ARID1A: variants seen among roughly 807,000 people sequenced by gnomAD.
ARID1A encodes the protein AT-rich interaction domain 1A.
Under a neutral mutation model 212.6 loss-of-function variants are expected in ARID1A, and 20 were observed. That is an observed-to-expected ratio of 0.09 (90% CI 0.07 to 0.14). ARID1A has a LOEUF of 0.14. ARID1A is among the 10% of genes least tolerant of loss of function. The probability of loss-of-function intolerance (pLI) is 1.00; values close to 1 mark genes in which losing one functional copy is unlikely to be tolerated. For synonymous variants in ARID1A, 1,376 were observed against 1,222.1 expected, an observed-to-expected ratio of 1.13 and a Z score of -2.63; for missense variants, 2,587 against 3,059.0, an observed-to-expected ratio of 0.85 and a Z score of 3.64.
chr1:26,757,939 A>C (rs771385414), intron 4 of ARID1A, among the ~76,000 whole-genome samples: 3 of 152,174 alleles, frequency 2.0e-5, no homozygotes, highest in Non-Finnish European at 4.4e-5. Context: ...CGCCTGGCCA[A>C]CATATAATTT....
At chr1:26,729,017 C>G (rs1248089467) in intron 1 of ARID1A, 1 of 152,094 alleles carries the variant, frequency 6.6e-6, no homozygotes, top group Admixed American at 6.6e-5. Flanking sequence ...TCTTGTCTCT[C>G]AAAGAGATAA....
At chr1:26,724,014 A>T (rs988255508) in intron 1 of ARID1A, among the ~76,000 whole-genome samples, 1 of 152,146 alleles carries the variant, frequency 6.6e-6, no homozygotes, top group East Asian at 1.9e-4. Flanking sequence ...CTCTGAGGTA[A>T]AATGCAGGTT....
At chr1:26,739,597 G>A (rs536847928) in intron 4 of ARID1A, among the ~76,000 whole-genome samples, 1 of 152,150 alleles carries the variant, frequency 6.6e-6, no homozygotes, top group Admixed American at 6.5e-5. Flanking sequence ...TTATTTGGAA[G>A]GCACACTGTG....
intron 1 of ARID1A, among the ~76,000 whole-genome samples, chr1:26,723,059 A>G (rs958088179): frequency 7.2e-5 from 11 of 152,186 alleles, no homozygotes; most frequent in Non-Finnish European, 1.3e-4. Context: ...CTAGTCTTCA[A>G]AGAAGGTCTG....
rs746700878 is a variant in ARID1A, at chr1:26,773,052, A to G, written c.3715+65A>G. The G allele has an allele frequency of 5.0e-5, 77 of 1,554,716 alleles. No homozygotes were observed. In the Admixed American group the frequency reaches 7.4e-4, roughly 15 times the overall value. Reference sequence around the variant, plus strand: ...GACAGGGCCAGTGAAATGGGGGGAAATCTTGAGAATGGCTCAGGGTTCTTG... The same window carrying G: ...GACAGGGCCAGTGAAATGGGGGGAAGTCTTGAGAATGGCTCAGGGTTCTTG... On this transcript the variant is annotated intron_variant, in intron 14 of 19. Transcript: ENST00000324856.
intron 2 of ARID1A, among the ~76,000 whole-genome samples, chr1:26,730,581 A>G (rs1301177936): frequency 6.6e-6 from 1 of 152,196 alleles, no homozygotes; most frequent in African/African-American, 2.4e-5. Context: ...AGGTAATTTT[A>G]TTTATTTTTT....
At chr1:26,723,605 C>T in intron 1 of ARID1A, among the ~76,000 whole-genome samples, 1 of 152,158 alleles carries the variant, frequency 6.6e-6, no homozygotes. Flanking sequence ...CGAGCACTAA[C>T]CTTCCTGGCA....
At chr1:26,738,043 A>G (rs2080751201) in intron 4 of ARID1A, among the ~76,000 whole-genome samples, 1 of 146,868 alleles carries the variant, frequency 6.8e-6, no homozygotes, top group African/African-American at 2.5e-5. Flanking sequence ...TTTTTTTTTG[A>G]GATGGAGTCT....
chr1:26,725,264 T>C (rs1003082213), intron 1 of ARID1A, among the ~76,000 whole-genome samples: 3 of 152,206 alleles, frequency 2.0e-5, no homozygotes, highest in Admixed American at 2.0e-4. Flanking sequence ...GTATCTTGCA[T>C]GTAGGGATTT....
At chr1:26,707,362 C>T (rs2080403145) in intron 1 of ARID1A, among the ~76,000 whole-genome samples, 2 of 151,954 alleles carry the variant, frequency 1.3e-5, no homozygotes, top group African/African-American at 2.4e-5. Flanking sequence ...GCGCCTTCCA[C>T]CACGCCCTGC....
At chr1:26,703,050 C>T (rs987419927) in intron 1 of ARID1A, among the ~76,000 whole-genome samples, 3 of 152,098 alleles carry the variant, frequency 2.0e-5, no homozygotes, top group Non-Finnish European at 2.9e-5. Context: ...CTCAATTTTG[C>T]TGTTGTGCTG....
rs906742601 is a variant in ARID1A, at chr1:26,780,208, T to G, written c.6310T>G (p.Ser2104Ala). ...TTCAGCTGAAGCCCAGGACCCCTTTTCCACCCTGGGCCCCAATGCCGTCCT... is the reference window on the plus strand; with the variant it reads ...TTCAGCTGAAGCCCAGGACCCCTTTGCCACCCTGGGCCCCAATGCCGTCCT... ...CPSAEAQDPF[S>A]TLGPNAVLSP... The change falls in exon 20 of 20, where the codon TCC becomes GCC. Residue 2104 changes from serine (S) to alanine (A), a missense_variant. Ser to Ala is a moderately conservative substitution (Grantham distance 99, BLOSUM62 1). This residue lies in a region of ARID1A where 168 missense variants were observed against 321.0 expected (regional missense o/e 0.52). Transcript: ENST00000324856. The surrounding 1 kb of genome is among the most constrained non-coding windows in gnomAD (Gnocchi z 7.2). 1.2e-6 allele frequency: 2 copies of G among 1,614,068 alleles called. No homozygotes were observed. The highest frequency in any genetic ancestry group is 1.3e-5 in the African/African-American group (1 of 75,002).
intron 8 of ARID1A, 134 bp from the exon 9 acceptor site, chr1:26,766,087 C>G: frequency 1.0e-6 from 1 of 973,818 alleles, no homozygotes; most frequent in African/African-American, 1.6e-5. Context: ...TTGCATAGTT[C>G]TAGTTTTGGG....
intron 1 of ARID1A, among the ~76,000 whole-genome samples, chr1:26,726,282 C>G (rs1463786074): frequency 2.0e-5 from 3 of 150,872 alleles, no homozygotes; most frequent in African/African-American, 7.3e-5. Context: ...AAGTGATTCT[C>G]ATACCTCAGC....
At position 26,779,527 on chromosome 1, in the gene ARID1A, G is replaced by C. The variant is rs182301865; in HGVS notation, c.5629G>C (p.Ala1877Pro). The C allele has an allele frequency of 6.2e-7, 1 of 1,614,076 alleles. No homozygotes were observed. The highest frequency in any genetic ancestry group is 2.2e-5 in the East Asian group (1 of 44,872). Reference sequence around the variant, plus strand: ...CCGGCCTCACGCACCCTGCCCACCAGCCCCTCGGAAGCATGTGACAACAGC... The same window carrying C: ...CCGGCCTCACGCACCCTGCCCACCACCCCCTCGGAAGCATGTGACAACAGC... ...PSRPHAPCPPAPRKHVTTAEG... is the reference protein window; with the variant it reads ...PSRPHAPCPPPPRKHVTTAEG... Residue 1877 changes from alanine to proline, a missense_variant, in exon 20 of 20, where the codon GCC (alanine) becomes CCC (proline). Ala to Pro is a conservative substitution (Grantham distance 27). Transcript: ENST00000324856.
At chr1:26,707,200 ATTTTTTTTTT>A (rs751639614) in intron 1 of ARID1A, among the ~76,000 whole-genome samples, 41 of 102,612 alleles carry the variant, frequency 4.0e-4, no homozygotes, top group Non-Finnish European at 7.9e-4. Context: ...CGGCTGGCTA[ATTTTTTTTTT>A]TTTTTTTTTT....
At chr1:26,756,997 CG>C (rs1356835541) in intron 4 of ARID1A, among the ~76,000 whole-genome samples, 1 of 152,104 alleles carries the variant, frequency 6.6e-6, no homozygotes, top group African/African-American at 2.4e-5. Context: ...CCACTGCGCC[CG>C]GCCCAATATC....
intron 11 of ARID1A, among the ~76,000 whole-genome samples, chr1:26,768,269 A>C (rs2081055609): frequency 1.3e-5 from 2 of 152,320 alleles, no homozygotes; most frequent in South Asian, 4.1e-4. Flanking sequence ...GTCTGTGGGC[A>C]TTCTGATTCC....
intron 1 of ARID1A, among the ~76,000 whole-genome samples, chr1:26,703,809 G>A (rs959091447): frequency 2.0e-5 from 3 of 152,174 alleles, no homozygotes; most frequent in African/African-American, 7.2e-5. Context: ...AGATTTAAAA[G>A]GTAGAAACAA....
Sources: gnomAD v4.1 joint callset for allele counts (sites outside exome capture counted in the v4.1 genomes callset) on GRCh38, gnomAD v4.1.1 for gene constraint, gnomAD v4.1.1 regional missense constraint, Gnocchi (gnomAD v3.1) non-coding constraint, MANE v1.5 for transcripts, NCBI Gene and HGNC (gene_info 2026-07-23, HGNC 2026-07-21) for gene names.